Variants in NMBR observed in about 807,000 individuals in gnomAD.
NMBR encodes neuromedin-B receptor.
NMBR carries 16 observed loss-of-function variants against 20.5 expected under a neutral mutation model. The ratio of observed to expected loss-of-function variants is 0.78; its 90% CI spans 0.53 to 1.19. The LOEUF (loss-of-function observed/expected upper bound fraction) is 1.19. Ranked by LOEUF, NMBR falls within the 50% of genes most tolerant of loss-of-function variation. The probability of loss-of-function intolerance (pLI) is 0.00; values close to 1 mark genes in which losing one functional copy is unlikely to be tolerated. For missense variants in NMBR, 582 were observed against 499.1 expected, an observed-to-expected ratio of 1.17 and a Z score of -1.58; for synonymous variants, 212 against 196.6, an observed-to-expected ratio of 1.08 and a Z score of -0.65.
intron 1 of NMBR, among the ~76,000 whole-genome samples, chr6:142,138,708 C>G (rs1778314719): frequency 6.6e-6 from 1 of 152,146 alleles, no homozygotes; most frequent in Admixed American, 6.5e-5. Context: ...TCCCGCCAAT[C>G]TGCTGACAAA....
chr6:142,127,309 C>T (rs972328499), intron 1 of NMBR, among the ~76,000 whole-genome samples: 5 of 151,756 alleles, frequency 3.3e-5, no homozygotes, highest in African/African-American at 1.2e-4. Context: ...TTCTGGTGGA[C>T]TTATTTTGGG....
intron 1 of NMBR, among the ~76,000 whole-genome samples, chr6:142,114,905 T>A (rs1777824103): frequency 6.6e-6 from 1 of 151,978 alleles, no homozygotes; most frequent in African/African-American, 2.4e-5. Context: ...CAAAACTAAA[T>A]CTAGAGCAGT....
At chr6:142,079,935 G>T (rs1288896363) in intron 2 of NMBR, among the ~76,000 whole-genome samples, 3 of 152,102 alleles carry the variant, frequency 2.0e-5, no homozygotes, top group Non-Finnish European at 4.4e-5. Context: ...CACATATTAA[G>T]TAAGGCAATG....
chr6:142,084,006 A>G (rs2114561310), intron 2 of NMBR, among the ~76,000 whole-genome samples: 1 of 152,318 alleles, frequency 6.6e-6, no homozygotes, highest in South Asian at 2.1e-4. Context: ...ACTGAGAGGC[A>G]AGGGCTATGG....
chr6:142,128,326 T>C (rs1466763139), intron 1 of NMBR, among the ~76,000 whole-genome samples: 2 of 152,130 alleles, frequency 1.3e-5, no homozygotes, highest in Non-Finnish European at 2.9e-5. Flanking sequence ...CCATTATTTA[T>C]TTATAGCAAT....
At chr6:142,141,785 G>T (rs902390653) in intron 1 of NMBR, among the ~76,000 whole-genome samples, 2 of 152,156 alleles carry the variant, frequency 1.3e-5, no homozygotes, top group African/African-American at 4.8e-5. Context: ...TTACAGGCAT[G>T]AGCCACCACG....
At chr6:142,114,329 A>G (rs909573436) in intron 1 of NMBR, among the ~76,000 whole-genome samples, 1 of 152,012 alleles carries the variant, frequency 6.6e-6, no homozygotes, top group Non-Finnish European at 1.5e-5. Context: ...TTAAATAACT[A>G]GGTGGTTTTG....
rs1418420863 is a variant in NMBR, at chr6:142,095,745, A to C, written c.-663-6424T>G. On this transcript the variant is annotated intron_variant, in intron 1 of 3. Transcript: ENST00000258042. ...AGGGATGGTATCAGTTCCTCCTTGTACCTCTGGTAGAATTCGGCTGTGAAT... is the reference window on the plus strand; with the variant it reads ...AGGGATGGTATCAGTTCCTCCTTGTCCCTCTGGTAGAATTCGGCTGTGAAT... 6.6e-5 allele frequency among the ~76,000 whole-genome samples: 10 copies of C among 152,036 alleles called. No homozygotes were observed. In the East Asian group the frequency reaches 1.9e-3, roughly 29 times the overall value.
At chr6:142,126,175 G>A (rs945064602) in intron 1 of NMBR, among the ~76,000 whole-genome samples, 14 of 150,980 alleles carry the variant, frequency 9.3e-5, no homozygotes, top group African/African-American at 1.9e-4. Context: ...CTTATTTCCC[G>A]TCAACATAAT....
chr6:142,107,684 A>G (rs2114586523), intron 1 of NMBR, among the ~76,000 whole-genome samples: 1 of 152,292 alleles, frequency 6.6e-6, no homozygotes, highest in South Asian at 2.1e-4. Flanking sequence ...ATACAATGAA[A>G]CTGAGTGTGA....
At position 142,106,398 on chromosome 6, in the gene NMBR, A is replaced by G. The variant is rs1777663758; in HGVS notation, c.-663-17077T>C. Among the ~76,000 whole-genome samples the G allele has an allele frequency of 2.0e-5, 3 of 152,162 alleles. No individual in the cohort carries two copies. The South Asian group carries it at 6.2e-4, about 32-fold the overall frequency. On this transcript the variant is annotated intron_variant, in intron 1 of 3. Transcript: ENST00000258042. ...CAAATCCCGAGGCTCTAATCTAAAA[A>G]CATAAACTCACAGTTAAATCAAGCA...
At chr6:142,123,862 A>G (rs1777987235) in intron 1 of NMBR, among the ~76,000 whole-genome samples, 1 of 151,970 alleles carries the variant, frequency 6.6e-6, no homozygotes, top group Non-Finnish European at 1.5e-5. Flanking sequence ...AGTTTGCCGA[A>G]CCCCTTCCTA....
intron 1 of NMBR, among the ~76,000 whole-genome samples, chr6:142,090,217 G>A (rs1055327149): frequency 1.3e-5 from 2 of 151,842 alleles, no homozygotes; most frequent in Non-Finnish European, 1.5e-5. Context: ...TCTTCATTAG[G>A]GAAAACATTT....
chr6:142,096,285 C>T (rs1250254473), intron 1 of NMBR, among the ~76,000 whole-genome samples: 4 of 152,120 alleles, frequency 2.6e-5, no homozygotes, highest in African/African-American at 4.8e-5. Context: ...CTCTAGTGGG[C>T]ATTTACTGCT....
chr6:142,079,089 A>T (rs531086122), intron 2 of NMBR, among the ~76,000 whole-genome samples, 186 bp from the exon 3 acceptor site: 48 of 94,222 alleles, frequency 5.1e-4, no homozygotes, highest in Admixed American at 5.0e-4. Context: ...AGAAAGAAAG[A>T]GAGAAAGAGA....
chr6:142,121,965 A>G (rs1237500016), intron 1 of NMBR, among the ~76,000 whole-genome samples: 1 of 151,874 alleles, frequency 6.6e-6, no homozygotes, highest in African/African-American at 2.4e-5. Flanking sequence ...ATGACTCAAG[A>G]TAGCTACCAG....
At chr6:142,101,849 G>A (rs953774472) in intron 1 of NMBR, among the ~76,000 whole-genome samples, 1 of 152,164 alleles carries the variant, frequency 6.6e-6, no homozygotes, top group Non-Finnish European at 1.5e-5. Context: ...GTCATTTATA[G>A]GCTACAGTGC....
chr6:142,078,359 C>T (rs1461153536), intron 3 of NMBR, among the ~76,000 whole-genome samples, 196 bp downstream of exon 3: 1 of 152,188 alleles, frequency 6.6e-6, no homozygotes, highest in Non-Finnish European at 1.5e-5. Flanking sequence ...AAATGATAAA[C>T]TGAACCTAAG....
intron 1 of NMBR, among the ~76,000 whole-genome samples, chr6:142,097,951 G>T (rs1201735903): frequency 6.6e-6 from 1 of 151,816 alleles, no homozygotes; most frequent in African/African-American, 2.4e-5. Context: ...CAGGAGAAAA[G>T]GTAAGGTAAT....
Sources: gnomAD v4.1 joint callset for allele counts (sites outside exome capture counted in the v4.1 genomes callset) on GRCh38, gnomAD v4.1.1 for gene constraint, MANE v1.5 for transcripts, NCBI Gene and HGNC (gene_info 2026-07-23, HGNC 2026-07-21) for gene names.